TCF12: variants seen among roughly 807,000 people sequenced by gnomAD.
The protein encoded by TCF12 is DNA-binding protein HTF4.
A neutral mutation model predicts 86.0 loss-of-function variants in TCF12; 45 were observed. The observed-to-expected ratio is 0.52, with a 90% CI of 0.41 to 0.67. The LOEUF (loss-of-function observed/expected upper bound fraction) is 0.67, where lower values mean the gene tolerates loss of function less well. Ranked by LOEUF, TCF12 falls within the 30% of genes least tolerant of loss-of-function variation. The pLI is 0.00. For missense variants in TCF12, 881 were observed against 859.9 expected, an observed-to-expected ratio of 1.02 and a Z score of -0.31; for synonymous variants, 330 against 299.6, an observed-to-expected ratio of 1.10 and a Z score of -1.05.
chr15:57,129,157 T>C (rs8037901), intron 5 of TCF12, among the ~76,000 whole-genome samples: 72,634 of 152,162 alleles, frequency 0.48, 17,919 homozygotes, highest in East Asian at 0.62. Flanking sequence ...CAGCAACTTA[T>C]GAAGGTTCCA....
chr15:56,977,677 C>T (rs2062681808), intron 3 of TCF12, among the ~76,000 whole-genome samples: 1 of 152,018 alleles, frequency 6.6e-6, no homozygotes, highest in Admixed American at 6.6e-5. Context: ...TATTTTTGAG[C>T]TGAAGTTTGT....
chr15:57,125,593 G>C (rs1317213578), intron 5 of TCF12, among the ~76,000 whole-genome samples: 1 of 152,220 alleles, frequency 6.6e-6, no homozygotes, highest in Admixed American at 6.5e-5. Context: ...TAATGGGCTA[G>C]TTAAGTTTTA....
chr15:56,987,456 C>T (rs1296339212), intron 3 of TCF12, among the ~76,000 whole-genome samples: 4 of 152,012 alleles, frequency 2.6e-5, no homozygotes, highest in Non-Finnish European at 5.9e-5. Flanking sequence ...ATCTGAGGAG[C>T]GTGGTTTGTG....
At chr15:57,024,971 T>C in intron 3 of TCF12, among the ~76,000 whole-genome samples, 1 of 152,240 alleles carries the variant, frequency 6.6e-6, no homozygotes, top group South Asian at 2.1e-4. Context: ...TTATTCATTG[T>C]ATTTTTAATC....
At chr15:57,257,821 CATT>C (rs2060419042) in intron 16 of TCF12, among the ~76,000 whole-genome samples, 1 of 151,964 alleles carries the variant, frequency 6.6e-6, no homozygotes, top group Admixed American at 6.6e-5. Context: ...TCCTTGTTCT[CATT>C]AGTATTTGAT....
intron 3 of TCF12, among the ~76,000 whole-genome samples, chr15:56,964,390 C>G (rs2061908371): frequency 6.6e-6 from 1 of 152,164 alleles, no homozygotes; most frequent in South Asian, 2.1e-4. Context: ...TTTCAAGATC[C>G]TTATCTTACC....
At chr15:57,271,250 G>A (rs1405318415) in intron 18 of TCF12, among the ~76,000 whole-genome samples, 2 of 152,170 alleles carry the variant, frequency 1.3e-5, no homozygotes, top group African/African-American at 4.8e-5. Context: ...CTGCCACTTC[G>A]TTCACACAGT....
intron 6 of TCF12, among the ~76,000 whole-genome samples, chr15:57,176,797 A>T (rs1191344868): frequency 6.6e-6 from 1 of 152,230 alleles, no homozygotes; most frequent in African/African-American, 2.4e-5. Flanking sequence ...ATGCAGTGAA[A>T]GAGCAGGTGC....
rs1769666522 is a variant in TCF12 at position 57,263,744 on chromosome 15, TC to T, written c.1745+472del. 2.0e-5 allele frequency among the ~76,000 whole-genome samples: 3 copies of T among 152,312 alleles called. No individual in the cohort carries two copies. In the South Asian group the frequency reaches 6.2e-4, roughly 32 times the overall value. On this transcript the variant is annotated intron_variant, in intron 18 of 20. Transcript: ENST00000333725. ...TACTTTCACAAACCTAGCCTGTTGT[TC>T]CTAGGCTGTATACCTGTATACCATG...
intron 8 of TCF12, among the ~76,000 whole-genome samples, chr15:57,210,232 C>CAAAG (rs1186615186): frequency 6.6e-6 from 1 of 151,598 alleles, no homozygotes; most frequent in Non-Finnish European, 1.5e-5. Flanking sequence ...AATAAATGAA[C>CAAAG]AAAGGCAAAT....
At chr15:57,118,061 AT>A (rs1231476186) in intron 5 of TCF12, among the ~76,000 whole-genome samples, 27 of 152,312 alleles carry the variant, frequency 1.8e-4, no homozygotes, top group African/African-American at 6.5e-4. Flanking sequence ...GATCAATTTA[AT>A]TGGCTCTGCA....
intron 5 of TCF12, among the ~76,000 whole-genome samples, chr15:57,165,343 T>C (rs1429089591): frequency 6.6e-6 from 1 of 152,098 alleles, no homozygotes; most frequent in Non-Finnish European, 1.5e-5. Flanking sequence ...AAACATAATA[T>C]ATGGAAATAC....
intron 3 of TCF12, among the ~76,000 whole-genome samples, chr15:57,001,740 A>G (rs996913858): frequency 3.3e-5 from 5 of 152,154 alleles, no homozygotes; most frequent in Non-Finnish European, 7.4e-5. Context: ...AATTGATGCT[A>G]TATATCATCA....
intron 20 of TCF12, among the ~76,000 whole-genome samples, chr15:57,283,692 A>G (rs2061800464): frequency 6.6e-6 from 1 of 152,232 alleles, no homozygotes; most frequent in African/African-American, 2.4e-5. Flanking sequence ...TATCAAGTGC[A>G]GTTTCATTTG....
intron 6 of TCF12, among the ~76,000 whole-genome samples, chr15:57,168,222 A>G (rs1426576494): frequency 1.3e-5 from 2 of 152,240 alleles, no homozygotes; most frequent in Admixed American, 6.5e-5. Context: ...AAATTCAAAA[A>G]TGTTACAATT....
rs1213018082 is a variant in TCF12 at position 57,184,092 on chromosome 15, C to T, written c.391-8066C>T. Among the ~76,000 whole-genome samples the T allele has an allele frequency of 3.3e-5, 5 of 152,066 alleles. No homozygotes were observed. The South Asian group carries it at 6.2e-4, about 19-fold the overall frequency. On this transcript the variant is annotated intron_variant, in intron 6 of 20. Transcript: ENST00000333725. ...CTTATTAAGCAAACAGACTTCTCTT[C>T]ACCACCCTGCAGACTTAGTCCTTTG...
intron 18 of TCF12, among the ~76,000 whole-genome samples, chr15:57,265,010 G>C (rs1469797344): frequency 4.6e-5 from 7 of 151,300 alleles, no homozygotes; most frequent in Middle Eastern, 3.5e-3. Flanking sequence ...GATTACAAGC[G>C]TGAGCCACCA....
chr15:57,207,693 AAAT>A (rs2057899150), intron 8 of TCF12, among the ~76,000 whole-genome samples: 1 of 152,140 alleles, frequency 6.6e-6, no homozygotes, highest in Non-Finnish European at 1.5e-5. Context: ...ACAACAACAA[AAAT>A]AATAAGTAAG....
At chr15:57,278,437 G>T (rs1197372767) in intron 19 of TCF12, 1 of 152,136 alleles carries the variant, frequency 6.6e-6, no homozygotes, top group Non-Finnish European at 1.5e-5. Context: ...CAGTGGTGGG[G>T]TTAGGGAGAC....
Sources: gnomAD v4.1 joint callset for allele counts (sites outside exome capture counted in the v4.1 genomes callset) on GRCh38, gnomAD v4.1.1 for gene constraint, MANE v1.5 for transcripts, NCBI Gene and HGNC (gene_info 2026-07-23, HGNC 2026-07-21) for gene names.